Variants in ST7L observed in about 807,000 individuals in gnomAD.
ST7L encodes suppression of tumorigenicity 7 like, also known as suppressor of tumorigenicity 7 protein-like.
ST7L carries 57 observed loss-of-function variants against 72.5 expected under a neutral mutation model. The ratio of observed to expected loss-of-function variants is 0.79; its 90% CI spans 0.64 to 0.98. The LOEUF (loss-of-function observed/expected upper bound fraction) is 0.98, where lower values mean the gene tolerates loss of function less well. Among genes scored for constraint, ST7L ranks in the 50% least tolerant of loss-of-function variants. The probability of loss-of-function intolerance (pLI) is 0.00; values close to 1 mark genes in which losing one functional copy is unlikely to be tolerated. For missense variants in ST7L, 576 were observed against 672.2 expected, an observed-to-expected ratio of 0.86 and a Z score of 1.58; for synonymous variants, 221 against 240.9, an observed-to-expected ratio of 0.92 and a Z score of 0.77.
At chr1:112,536,508 C>G (rs963682822) in intron 14 of ST7L, among the ~76,000 whole-genome samples, 11 of 152,050 alleles carry the variant, frequency 7.2e-5, no homozygotes, top group Non-Finnish European at 1.0e-4. Context: ...GTAAAAGACA[C>G]TTGGCATTTA....
Position 112,619,040 on chromosome 1 carries a change from G to A in ST7L, c.74C>T (p.Pro25Leu). The A allele has an allele frequency of 6.2e-7, 1 of 1,613,952 alleles. No individual in the cohort carries two copies. Among genetic ancestry groups the A allele is most frequent in the Non-Finnish European group, 8.5e-7 (1 of 1,179,988 alleles). ...CAGTCGCTCCCTCCAGCCTAGCGTC[G>A]GGTTTAGGCCAGGGACAGATGCAGG... ...ASPASVPGLN[P>L]TLGWRERLRA... Residue 25 changes from proline (P) to leucine (L), a missense_variant, in exon 1 of 15, where the codon CCG becomes CTG. By Grantham distance (98) the Pro-to-Leu change is moderately conservative. Transcript: ENST00000358039.
chr1:112,607,063 T>C (rs933221168), intron 3 of ST7L: 1 of 152,228 alleles, frequency 6.6e-6, no homozygotes. Context: ...ATGATAAATA[T>C]TGATGGATAT....
intron 14 of ST7L, chr1:112,527,996 GAAT>G (rs1372480983): frequency 1.3e-5 from 2 of 152,160 alleles, no homozygotes; most frequent in African/African-American, 4.8e-5. Context: ...ATCATTCCTA[GAAT>G]AATTATGCTT....
rs373866251 is a variant in ST7L at position 112,619,136 on chromosome 1, G to A, written c.-23C>T. The A allele has an allele frequency of 6.2e-6, 10 of 1,609,594 alleles. No homozygotes were observed. The African/African-American group carries it at 1.3e-4, about 22-fold the overall frequency. On this transcript the variant is annotated 5_prime_UTR_variant, in exon 1 of 15. Coordinates refer to ENST00000358039, the MANE Select transcript of ST7L (RefSeq NM_017744.5). ...CATCTTGCCGCTATCGCAGGCGCCA[G>A]GAGCTGGGAGGGGAGAAGGACAGGA...
intron 11 of ST7L, chr1:112,571,259 T>G (rs960118525): frequency 1.1e-5 from 5 of 454,758 alleles, no homozygotes; most frequent in African/African-American, 1.0e-4. Flanking sequence ...TAATATAAGT[T>G]TATAGCATCA....
intron 5 of ST7L, among the ~76,000 whole-genome samples, chr1:112,595,480 G>A (rs574643436): frequency 1.3e-5 from 2 of 151,286 alleles, no homozygotes; most frequent in Admixed American, 6.6e-5. Context: ...CAGTGCAGCA[G>A]TGCCATCATA....
At chr1:112,599,073 A>AAAAAAAAATAT (rs1190968815) in intron 4 of ST7L, among the ~76,000 whole-genome samples, 55 of 56,976 alleles carry the variant, frequency 9.7e-4, no homozygotes, top group Admixed American at 2.3e-3. Context: ...AAAAAAAAAA[A>AAAAAAAAATAT]ATATATATAT....
At chr1:112,586,366 A>T (rs1050684323) in intron 6 of ST7L, among the ~76,000 whole-genome samples, 2 of 152,098 alleles carry the variant, frequency 1.3e-5, no homozygotes, top group African/African-American at 4.8e-5. Flanking sequence ...GCTTAAGGCC[A>T]GGAGTTTGAG....
chr1:112,553,510 T>C (rs145091700), intron 12 of ST7L, among the ~76,000 whole-genome samples: 92 of 152,214 alleles, frequency 6.0e-4, no homozygotes, highest in African/African-American at 2.2e-3. Flanking sequence ...ACTTAAAAAA[T>C]TTATGTTCTG....
At chr1:112,582,205 G>T in intron 8 of ST7L, 99 bp from the exon 9 acceptor site, 1 of 1,008,508 alleles carries the variant, frequency 9.9e-7, no homozygotes, top group Non-Finnish European at 1.5e-6. Context: ...TCTTACCATA[G>T]CTGTGAAGAA....
intron 3 of ST7L, 99 bp downstream of exon 3, chr1:112,610,742 T>C (rs1668949363): frequency 2.8e-6 from 4 of 1,405,184 alleles, no homozygotes; most frequent in Non-Finnish European, 3.9e-6. Flanking sequence ...AACACAAACA[T>C]GCACACCACA....
chr1:112,540,119 C>T (rs986347803), intron 14 of ST7L: 26 of 985,312 alleles, frequency 2.6e-5, no homozygotes, highest in Non-Finnish European at 7.2e-6. Context: ...ACACTATAAA[C>T]ATTAATTGTA....
downstream of ST7L, among the ~76,000 whole-genome samples, chr1:112,518,603 G>A (rs573506816): frequency 6.6e-6 from 1 of 152,276 alleles, no homozygotes; most frequent in Non-Finnish European, 1.5e-5. Flanking sequence ...CTAATTCAGA[G>A]GGTCACTCTC....
intron 4 of ST7L, among the ~76,000 whole-genome samples, chr1:112,599,889 T>C (rs2102028938): frequency 6.6e-6 from 1 of 152,320 alleles, no homozygotes; most frequent in Non-Finnish European, 1.5e-5. Context: ...TATAGTTTGA[T>C]GTAATGTTTC....
At chr1:112,568,861 A>AATATAAATAAAT (rs61349207) in intron 11 of ST7L, among the ~76,000 whole-genome samples, 2,763 of 114,866 alleles carry the variant, frequency 0.024, 38 homozygotes, top group Non-Finnish European at 0.032. Context: ...TATAAATATA[A>AATATAAATAAAT]ATATATATAT....
Position 112,551,272 on chromosome 1 carries a change from C to A in ST7L, c.1397-579G>T, listed in dbSNP as rs1020124209. Among the ~76,000 whole-genome samples the A allele has an allele frequency of 2.6e-5, 4 of 151,324 alleles. No individual in the cohort carries two copies. The East Asian group carries it at 7.8e-4, about 30-fold the overall frequency. On this transcript the variant is annotated intron_variant, in intron 12 of 14. Transcript: ENST00000358039. ...CACGCCATTCTCCTGCCTCAGCCTC[C>A]TGAGTAGCTGGGACTACAGGTGCCC...
At chr1:112,567,070 G>T (rs1296456727) in intron 11 of ST7L, among the ~76,000 whole-genome samples, 1 of 152,162 alleles carries the variant, frequency 6.6e-6, no homozygotes, top group Admixed American at 6.5e-5. Flanking sequence ...TGTAATCTTA[G>T]CAGCAGTGTA....
intron 14 of ST7L, among the ~76,000 whole-genome samples, chr1:112,532,774 C>T (rs1212941991): frequency 6.6e-6 from 1 of 152,136 alleles, no homozygotes; most frequent in Non-Finnish European, 1.5e-5. Context: ...AATGTTATTA[C>T]AGAACAAAGA....
At chr1:112,586,780 C>A (rs1664930138) in intron 6 of ST7L, among the ~76,000 whole-genome samples, 1 of 152,072 alleles carries the variant, frequency 6.6e-6, no homozygotes, top group Non-Finnish European at 1.5e-5. Flanking sequence ...ATTCAAATAA[C>A]AAGGTTCACA....
Sources: allele counts gnomAD v4.1 joint callset (sites outside exome capture counted in the v4.1 genomes callset), GRCh38; gene constraint gnomAD v4.1.1; transcripts MANE v1.5; gene names NCBI Gene and HGNC (gene_info 2026-07-23, HGNC 2026-07-21).